Variants in LCOR observed in about 807,000 individuals in gnomAD.
LCOR encodes the protein ligand dependent nuclear receptor corepressor.
LCOR carries 14 observed loss-of-function variants against 64.4 expected under a neutral mutation model. That is an observed-to-expected ratio of 0.22 (90% CI 0.14 to 0.34). The LOEUF is 0.34. Ranked by LOEUF, LCOR falls within the 10% of genes least tolerant of loss-of-function variation. LCOR has a pLI of 1.00. For synonymous variants in LCOR, 643 were observed against 642.5 expected (o/e 1.00, Z -0.01); for missense variants, 1,686 against 1,765.3 (o/e 0.96, Z 0.80).
chr10:96,833,735 C>G (rs1458518828), intron 2 of LCOR, among the ~76,000 whole-genome samples: 1 of 152,232 alleles, frequency 6.6e-6, no homozygotes, highest in Non-Finnish European at 1.5e-5. Context: ...CTAGGAGAGT[C>G]TATCCGTTCG....
At chr10:96,966,268 T>C (rs1051676766) in intron 7 of LCOR, among the ~76,000 whole-genome samples, 7 of 133,182 alleles carry the variant, frequency 5.3e-5, no homozygotes, top group African/African-American at 2.0e-4. Context: ...TCGCTGTGTC[T>C]CCCAGGTTGG....
At chr10:96,908,675 A>G (rs941539132) in intron 4 of LCOR, among the ~76,000 whole-genome samples, 6 of 150,774 alleles carry the variant, frequency 4.0e-5, no homozygotes, top group Admixed American at 3.3e-4. Flanking sequence ...TGGTACATCC[A>G]TTCCCTGTTT....
chr10:96,915,540 A>C, intron 4 of LCOR: 1 of 601,050 alleles, frequency 1.7e-6, no homozygotes, highest in East Asian at 3.1e-5. Flanking sequence ...AAATAAAACA[A>C]AATTCTGCAT....
chr10:96,984,678 C>G lies in LCOR; in HGVS notation c.4218C>G (p.Ser1406Arg). ...AACGCAAGAGAACAGAAGGCAGCAG[C>G]CCTCCAGATAGTAAGAACAAGGGGC... The part of the protein sequence containing the change: ...QSKRKRTEGS[S>R]PPDSKNKGPT... Residue 1406 changes from serine to arginine, a missense_variant, in exon 8 of 8, where the codon AGC (serine) becomes AGG (arginine). Around this residue, in one of 3 missense-constraint regions of LCOR, gnomAD observed 1,293 missense variants for 1,410.4 expected, o/e 0.92. Coordinates refer to ENST00000421806, the MANE Select transcript of LCOR (RefSeq NM_001346516.2). 1 of 1,614,086 alleles carries G rather than the reference C, an allele frequency of 6.2e-7. No individual in the cohort carries two copies. Among genetic ancestry groups the G allele is most frequent in the Non-Finnish European group, 8.5e-7 (1 of 1,180,044 alleles).
intron 2 of LCOR, among the ~76,000 whole-genome samples, chr10:96,863,651 T>G (rs1845925998): frequency 6.6e-6 from 1 of 152,222 alleles, no homozygotes; most frequent in Non-Finnish European, 1.5e-5. Context: ...TTGACCTTTT[T>G]CAAGAAAGCA....
chr10:96,894,242 C>G (rs976291516), intron 2 of LCOR, among the ~76,000 whole-genome samples: 2 of 152,134 alleles, frequency 1.3e-5, no homozygotes, highest in Non-Finnish European at 2.9e-5. Flanking sequence ...CAGGCACATG[C>G]CACCACGCCC....
At chr10:96,894,255 C>A (rs1254189668) in intron 2 of LCOR, among the ~76,000 whole-genome samples, 2 of 152,138 alleles carry the variant, frequency 1.3e-5, no homozygotes, top group African/African-American at 4.8e-5. Context: ...CCACGCCCAG[C>A]TAAAATTTGC....
At chr10:96,966,409 T>C (rs1465556745) in intron 7 of LCOR, among the ~76,000 whole-genome samples, 1 of 151,820 alleles carries the variant, frequency 6.6e-6, no homozygotes, top group Non-Finnish European at 1.5e-5. Context: ...TTTGTATTTT[T>C]AGTAGAAACG....
At position 96,983,363 on chromosome 10, in the gene LCOR, G is replaced by A. The variant is rs1589350320; in HGVS notation, c.2903G>A (p.Cys968Tyr). The change falls in exon 8 of 8, where the codon TGT (cysteine) becomes TAT (tyrosine). Residue 968 changes from cysteine to tyrosine, a missense_variant. Transcript: ENST00000421806. The surrounding 1 kb of genome is among the most constrained non-coding windows in gnomAD (Gnocchi z 4.5). ...NAHIPSESIA[C>Y]KRDPEQAKEE... ...CATATCCCCTCAGAAAGTATTGCTT[G>A]TAAGAGGGACCCAGAACAGGCAAAA... The A allele has an allele frequency of 1.9e-6, 3 of 1,614,210 alleles. No homozygotes were observed. Among genetic ancestry groups the A allele is most frequent in the East Asian group, 2.2e-5 (1 of 44,880 alleles).
intron 2 of LCOR, among the ~76,000 whole-genome samples, chr10:96,878,896 G>C (rs558771647): frequency 6.6e-6 from 1 of 152,154 alleles, no homozygotes; most frequent in Admixed American, 6.5e-5. Context: ...AGGCTCAAGC[G>C]ATCTTCCCAT....
At chr10:96,967,826 A>C (rs1401010530) in intron 7 of LCOR, among the ~76,000 whole-genome samples, 3 of 152,162 alleles carry the variant, frequency 2.0e-5, no homozygotes, top group Non-Finnish European at 4.4e-5. Flanking sequence ...AAGTCACTTT[A>C]AGTTATTCAT....
intron 2 of LCOR, among the ~76,000 whole-genome samples, chr10:96,834,192 C>A (rs1231759347): frequency 2.0e-5 from 3 of 152,066 alleles, no homozygotes; most frequent in African/African-American, 7.2e-5. Context: ...ACTGTAACAC[C>A]GAAATTAATA....
At chr10:96,922,840 A>C (rs573700367) in intron 4 of LCOR, among the ~76,000 whole-genome samples, 2 of 152,314 alleles carry the variant, frequency 1.3e-5, no homozygotes, top group African/African-American at 2.4e-5. Flanking sequence ...GAGCAGTAAT[A>C]TATATATTGA....
chr10:96,904,862 T>C (rs1319775323), intron 2 of LCOR, among the ~76,000 whole-genome samples: 1 of 152,194 alleles, frequency 6.6e-6, no homozygotes, highest in African/African-American at 2.4e-5. Context: ...CTAAATTCAA[T>C]ATTTAGTATT....
intron 2 of LCOR, among the ~76,000 whole-genome samples, chr10:96,877,321 C>T: frequency 6.6e-6 from 1 of 151,974 alleles, no homozygotes; most frequent in East Asian, 1.9e-4. Context: ...CTCAGGAGTT[C>T]AAGACCAGAC....
chr10:96,920,631 C>CATATAT (rs1564626297), intron 4 of LCOR, among the ~76,000 whole-genome samples: 1 of 117,916 alleles, frequency 8.5e-6, no homozygotes, highest in African/African-American at 3.7e-5. Context: ...TATGTATGTA[C>CATATAT]ATTCATATAT....
At chr10:96,894,594 G>A (rs1846505602) in intron 2 of LCOR, among the ~76,000 whole-genome samples, 1 of 152,174 alleles carries the variant, frequency 6.6e-6, no homozygotes, top group African/African-American at 2.4e-5. Context: ...GAACTATTAA[G>A]AATTTTGTAT....
chr10:96,966,291 C>G (rs893478693), intron 7 of LCOR, among the ~76,000 whole-genome samples: 17 of 131,000 alleles, frequency 1.3e-4, no homozygotes, highest in Non-Finnish European at 2.3e-4. Context: ...TGCAGTGGCG[C>G]GATCTCGGCT....
Position 96,983,579 on chromosome 10 carries a change from CCTA to C in LCOR, c.3121_3123del (p.Tyr1041del), listed in dbSNP as rs758185661. 1 of 1,614,140 alleles carries C rather than the reference CCTA, an allele frequency of 6.2e-7. No homozygotes were observed. The highest frequency in any genetic ancestry group is 1.1e-5 in the South Asian group (1 of 91,084). On this transcript the variant is annotated inframe_deletion, in exon 8 of 8. Transcript: ENST00000421806. The surrounding 1 kb of genome is among the most constrained non-coding windows in gnomAD (Gnocchi z 4.5). Reference sequence around the variant, plus strand: ...AGGCCTAAAAGATTGACCTCTTCAACCTACAACCTAAGACACGCTCATTCTCTG... The same window carrying C: ...AGGCCTAAAAGATTGACCTCTTCAACCAACCTAAGACACGCTCATTCTCTG...
Sources: gnomAD v4.1 joint callset for allele counts (sites outside exome capture counted in the v4.1 genomes callset) on GRCh38, gnomAD v4.1.1 for gene constraint, gnomAD v4.1.1 regional missense constraint, Gnocchi (gnomAD v3.1) non-coding constraint, MANE v1.5 for transcripts, NCBI Gene and HGNC (gene_info 2026-07-23, HGNC 2026-07-21) for gene names.